Variants in TRPM3 observed in about 807,000 individuals in gnomAD.
TRPM3 encodes the protein transient receptor potential cation channel subfamily M member 3, also known as long transient receptor potential channel 3.
Under a neutral mutation model 181.2 loss-of-function variants are expected in TRPM3, and 77 were observed. The observed-to-expected ratio is 0.42, with a 90% CI of 0.35 to 0.51. The LOEUF is 0.51. Among genes scored for constraint, TRPM3 ranks in the 20% least tolerant of loss-of-function variants. The pLI, the probability that TRPM3 is intolerant of heterozygous loss-of-function variation, is 0.01. For missense variants in TRPM3, 1,759 were observed against 2,196.7 expected, an observed-to-expected ratio of 0.80 and a Z score of 3.98; for synonymous variants, 745 against 796.4, an observed-to-expected ratio of 0.94 and a Z score of 1.09.
At chr9:71,263,078 C>T (rs1344076409) in intron 1 of TRPM3, among the ~76,000 whole-genome samples, 2 of 152,182 alleles carry the variant, frequency 1.3e-5, no homozygotes, top group Non-Finnish European at 2.9e-5. Flanking sequence ...ATTGGAAAAA[C>T]TAAAAATAAC....
At chr9:70,878,181 A>C (rs181477322) in intron 1 of TRPM3, among the ~76,000 whole-genome samples, 2 of 152,240 alleles carry the variant, frequency 1.3e-5, no homozygotes, top group East Asian at 3.9e-4. Context: ...ACAAATGCAC[A>C]AATCTAATAT....
chr9:70,618,996 G>T lies in TRPM3; in HGVS notation c.2229C>A (p.Ser743Arg), dbSNP rs1475691504. ...CGGCAAGCTGCAGGCACGTGGCGTT[G>T]CTCCAGTTCTTCAGCTCATACGTCA... is the stretch of plus-strand genomic sequence containing the variant. ...KLLTYELKNW[S>R]NATCLQLAVA... The change falls in exon 17 of 26, where the codon AGC becomes AGA. Residue 743 changes from serine to arginine, a missense_variant. By Grantham distance (110) the Ser-to-Arg change is moderately radical. Around this residue, in one of 8 missense-constraint regions of TRPM3, gnomAD observed 737 missense variants for 957.4 expected, o/e 0.77. Coordinates refer to ENST00000677713, the MANE Select transcript of TRPM3 (RefSeq NM_001366145.2). 1 of 1,614,224 alleles carries T rather than the reference G, an allele frequency of 6.2e-7. No individual in the cohort carries two copies. The highest frequency in any genetic ancestry group is 8.5e-7 in the Non-Finnish European group (1 of 1,180,036).
chr9:71,312,240 TG>T (rs1276534105), intron 1 of TRPM3, among the ~76,000 whole-genome samples: 5 of 152,160 alleles, frequency 3.3e-5, no homozygotes, highest in Middle Eastern at 6.8e-3. Flanking sequence ...CAATTAAAAA[TG>T]GGCAGAAGAC....
intron 1 of TRPM3, among the ~76,000 whole-genome samples, chr9:71,297,643 ACCTCCCACTGGGTC>A (rs1203461961): frequency 2.0e-5 from 3 of 152,082 alleles, no homozygotes; most frequent in Admixed American, 1.3e-4. Context: ...TGATTCAATT[ACCTCCCACTGGGTC>A]CCTCCCACTA....
At position 71,446,674 on chromosome 9, in the gene TRPM3, T is replaced by A. The variant is rs1275619830; in HGVS notation, c.162A>T (p.Gly54=). Residue 54 remains glycine (G), a synonymous_variant, in exon 1 of 25, where the codon GGA becomes GGT. Coordinates refer to the TRPM3 transcript ENST00000357533. ...TCACCGGCGTCTGCTGCGACGGGAG[T>A]CCCGAGCGTTTGGTGGACCCCTGCT... is the stretch of plus-strand genomic sequence containing the variant. 5 of 1,549,820 alleles carry A rather than the reference T, an allele frequency of 3.2e-6. No individual in the cohort carries two copies. The Admixed American group carries it at 9.8e-5, about 30-fold the overall frequency.
chr9:70,748,897 T>G (rs1051851272), intron 8 of TRPM3, among the ~76,000 whole-genome samples: 3 of 152,160 alleles, frequency 2.0e-5, no homozygotes, highest in Non-Finnish European at 2.9e-5. Flanking sequence ...TGTTTTTTAT[T>G]TTTTTGAGAC....
chr9:71,427,993 C>T (rs1042751004), intron 1 of TRPM3, among the ~76,000 whole-genome samples: 2 of 152,156 alleles, frequency 1.3e-5, no homozygotes, highest in African/African-American at 4.8e-5. Context: ...ACCTGAGGAC[C>T]TTTTCAAGCT....
chr9:70,802,114 AAC>A (rs1339356116), intron 6 of TRPM3, among the ~76,000 whole-genome samples: 10 of 152,194 alleles, frequency 6.6e-5, no homozygotes, highest in African/African-American at 2.4e-4. Context: ...ATACTTTGAG[AAC>A]AGTGTCCTAG....
chr9:71,269,062 G>A (rs1181563329), intron 1 of TRPM3, among the ~76,000 whole-genome samples: 1 of 152,102 alleles, frequency 6.6e-6, no homozygotes, highest in Non-Finnish European at 1.5e-5. Flanking sequence ...CAGAGGTAGC[G>A]AGTGAACCAA....
At chr9:70,537,636 T>A (rs1441628735) in intron 25 of TRPM3, among the ~76,000 whole-genome samples, 1 of 152,242 alleles carries the variant, frequency 6.6e-6, no homozygotes, top group African/African-American at 2.4e-5. Context: ...TCTAATCCAA[T>A]GATTTTTTAT....
At chr9:70,699,515 C>T (rs754767650) in intron 8 of TRPM3, among the ~76,000 whole-genome samples, 14 of 152,128 alleles carry the variant, frequency 9.2e-5, no homozygotes, top group Non-Finnish European at 1.8e-4. Flanking sequence ...GGACAAGCTA[C>T]GGATGATCTT....
At chr9:70,742,108 G>T (rs1367955968) in intron 8 of TRPM3, among the ~76,000 whole-genome samples, 1 of 151,792 alleles carries the variant, frequency 6.6e-6, no homozygotes, top group East Asian at 1.9e-4. Flanking sequence ...TGTTCATTAA[G>T]ACCACATTTT....
intron 1 of TRPM3, among the ~76,000 whole-genome samples, chr9:71,429,331 C>T (rs1213666852): frequency 1.3e-5 from 2 of 152,142 alleles, no homozygotes; most frequent in African/African-American, 4.8e-5. Flanking sequence ...AATGTAGAGC[C>T]AGGCACGCTG....
intron 1 of TRPM3, among the ~76,000 whole-genome samples, chr9:71,184,052 T>C (rs1182321659): frequency 1.3e-5 from 2 of 152,110 alleles, no homozygotes; most frequent in Non-Finnish European, 2.9e-5. Flanking sequence ...AGCCCCATCA[T>C]CAGCTCAGCC....
At chr9:70,781,225 G>A (rs111353981) in intron 7 of TRPM3, among the ~76,000 whole-genome samples, 7,962 of 151,340 alleles carry the variant, frequency 0.053, 244 homozygotes, top group South Asian at 0.11. Context: ...CTTGGGAGGC[G>A]GAGGAAGGAG....
chr9:71,332,801 G>A (rs887821172), intron 1 of TRPM3, among the ~76,000 whole-genome samples: 2 of 147,598 alleles, frequency 1.4e-5, no homozygotes, highest in African/African-American at 4.9e-5. Flanking sequence ...TATGTGCAAA[G>A]TGGAAGCTTT....
At chr9:70,850,821 A>G (rs2095197776) in intron 3 of TRPM3, among the ~76,000 whole-genome samples, 1 of 152,210 alleles carries the variant, frequency 6.6e-6, no homozygotes, top group Non-Finnish European at 1.5e-5. Flanking sequence ...TTAGTGTGAG[A>G]CATGTTAAGA....
intron 7 of TRPM3, among the ~76,000 whole-genome samples, chr9:70,782,978 T>C (rs1011927615): frequency 3.9e-5 from 6 of 152,114 alleles, no homozygotes; most frequent in African/African-American, 1.4e-4. Context: ...GGGATGGTAC[T>C]GACTTGCCAT....
intron 1 of TRPM3, among the ~76,000 whole-genome samples, chr9:70,984,787 T>C (rs1164110204): frequency 1.3e-5 from 2 of 152,250 alleles, no homozygotes; most frequent in African/African-American, 4.8e-5. Flanking sequence ...CTCAAGACTC[T>C]TTTTGTGTTT....
Sources: allele counts gnomAD v4.1 joint callset (sites outside exome capture counted in the v4.1 genomes callset), GRCh38; gene constraint gnomAD v4.1.1; regional missense constraint gnomAD v4.1.1; transcripts MANE v1.5; gene names NCBI Gene and HGNC (gene_info 2026-07-23, HGNC 2026-07-21).